The following OXR1 variants were observed in gnomAD, a reference collection of about 807,000 sequenced individuals.
The protein encoded by OXR1 is oxidation resistance 1.
A neutral mutation model predicts 104.6 loss-of-function variants in OXR1; 41 were observed. The observed-to-expected ratio is 0.39, with a 90% CI of 0.31 to 0.51. The LOEUF (loss-of-function observed/expected upper bound fraction) is 0.51, where lower values mean the gene tolerates loss of function less well. Ranked by LOEUF, OXR1 falls within the 20% of genes least tolerant of loss-of-function variation. The pLI is 0.77. For synonymous variants in OXR1, 348 were observed against 348.4 expected, an observed-to-expected ratio of 1.00 and a Z score of 0.01; for missense variants, 955 against 1,031.9, an observed-to-expected ratio of 0.93 and a Z score of 1.02.
chr8:106,493,606 G>A (rs540766301), intron 2 of OXR1, among the ~76,000 whole-genome samples: 8 of 152,112 alleles, frequency 5.3e-5, no homozygotes, highest in African/African-American at 1.4e-4. Context: ...AAAAAAATAC[G>A]TTTTTGCTCT....
At chr8:106,606,369 C>T (rs994604034) in intron 3 of OXR1, among the ~76,000 whole-genome samples, 17 of 151,754 alleles carry the variant, frequency 1.1e-4, no homozygotes, top group African/African-American at 3.9e-4. Flanking sequence ...GGTGTAATCT[C>T]GGATCACTGC....
At chr8:106,690,006 A>G (rs1183059058) in intron 6 of OXR1, among the ~76,000 whole-genome samples, 1 of 151,396 alleles carries the variant, frequency 6.6e-6, no homozygotes, top group Non-Finnish European at 1.5e-5. Flanking sequence ...CTGTGCATAT[A>G]TAGAATATAT....
intron 16 of OXR1, among the ~76,000 whole-genome samples, chr8:106,750,319 CTT>C (rs35342472): frequency 1.5e-5 from 1 of 68,260 alleles, no homozygotes; most frequent in Non-Finnish European, 3.4e-5. Context: ...CTTTTCTTTT[CTT>C]TTCTTTTTTT....
At chr8:106,743,888 G>A (rs1835157797) in intron 15 of OXR1, among the ~76,000 whole-genome samples, 1 of 152,134 alleles carries the variant, frequency 6.6e-6, no homozygotes, top group Non-Finnish European at 1.5e-5. Flanking sequence ...AGAAAATGTG[G>A]TACATATACA....
At chr8:106,510,766 A>G (rs1293268840) in intron 2 of OXR1, among the ~76,000 whole-genome samples, 4 of 152,218 alleles carry the variant, frequency 2.6e-5, no homozygotes, top group Admixed American at 2.0e-4. Context: ...TAATTCTTAC[A>G]TTTTCTGTTC....
intron 2 of OXR1, among the ~76,000 whole-genome samples, chr8:106,397,493 A>AT (rs1021072114): frequency 3.9e-5 from 6 of 152,130 alleles, no homozygotes; most frequent in South Asian, 2.1e-4. Flanking sequence ...CTCTGAAGAG[A>AT]TTTTTTTCTA....
intron 3 of OXR1, among the ~76,000 whole-genome samples, chr8:106,524,458 A>G (rs1014089987): frequency 2.6e-5 from 4 of 152,168 alleles, no homozygotes; most frequent in African/African-American, 9.7e-5. Context: ...CTATTAGTAA[A>G]AGCTCCTGAT....
In OXR1 at chr8:106,276,753, C is replaced by CAAAAAAAA. The variant is rs56303147; in HGVS notation, c.-139+6398_-139+6405dup. 6.7e-3 allele frequency among the ~76,000 whole-genome samples: 518 copies of CAAAAAAAA among 77,714 alleles called. 1 individual carries two copies. Among genetic ancestry groups the CAAAAAAAA allele is most frequent in the African/African-American group, 0.023 (462 of 20,328 alleles). The allele number at this position is 77,714 out of a possible 152,430, so 51.0% of individuals were successfully genotyped here. A position where few individuals can be genotyped will look rare whatever the true frequency, so the allele number is the denominator to read the frequency against. On this transcript the variant is annotated intron_variant, in intron 1 of 16. Transcript: ENST00000517566. ...TTCAGCTGTTAGATTCTGTTAGAGG[C>CAAAAAAAA]AAAAAAAAAAAAAAAAAAAGGTAAC...
At chr8:106,726,188 C>T in intron 11 of OXR1, 1 of 1,492,126 alleles carries the variant, frequency 6.7e-7, no homozygotes, top group Non-Finnish European at 8.9e-7. Flanking sequence ...AGGAAGAATG[C>T]TTTTGAAAAC....
Position 106,706,584 on chromosome 8 carries a change from G to C in OXR1, c.1063G>C (p.Asp355His). ...SPIREELVSS[D>H]ELRQDKSSGA... ...TATACGAGAGGAGCTTGTATCTTCA[G>C]ATGAACTGCGACAAGATAAATCTTC... The change falls in exon 9 of 17, where the codon GAT (aspartate) becomes CAT (histidine). Residue 355 changes from aspartate to histidine, a missense_variant. This residue lies in a region of OXR1 where 849 missense variants were observed against 852.9 expected (regional missense o/e 1.00). Transcript: ENST00000517566. The C allele has an allele frequency of 6.2e-7, 1 of 1,612,616 alleles. No homozygotes were observed. The highest frequency in any genetic ancestry group is 1.3e-5 in the African/African-American group (1 of 74,862).
In OXR1 at chr8:106,752,192, A is replaced by G. The variant is rs1002399287; in HGVS notation, c.*1251A>G. On this transcript the variant is annotated 3_prime_UTR_variant, in exon 17 of 17. Transcript: ENST00000517566. ...TGCTGAAATTTCAGCTATTCCAGAT[A>G]AACATTGTATATCTTGTAAATTAAT... The G allele has an allele frequency of 6.9e-6, 1 of 145,738 alleles. No individual in the cohort carries two copies. The highest frequency in any genetic ancestry group is 2.6e-5 in the African/African-American group (1 of 38,760). 9.0% of individuals were successfully genotyped at this position (145,738 alleles called of 1,614,324 possible). A position where few individuals can be genotyped will look rare whatever the true frequency, so the allele number is the denominator to read the frequency against.
chr8:106,562,640 G>A (rs570320874), intron 3 of OXR1, among the ~76,000 whole-genome samples: 1 of 152,128 alleles, frequency 6.6e-6, no homozygotes, highest in South Asian at 2.1e-4. Context: ...GACACTCTTC[G>A]AGACAGCAAC....
chr8:106,447,658 G>A (rs560895476), intron 2 of OXR1, among the ~76,000 whole-genome samples: 1 of 152,278 alleles, frequency 6.6e-6, no homozygotes, highest in East Asian at 1.9e-4. Context: ...TTAAAAGTCT[G>A]ATAATGGGCA....
chr8:106,648,828 C>T (rs1165453052), intron 3 of OXR1, among the ~76,000 whole-genome samples: 1 of 152,032 alleles, frequency 6.6e-6, no homozygotes, highest in Non-Finnish European at 1.5e-5. Context: ...AACTCGGAAA[C>T]TGTAAAAAGA....
chr8:106,666,309 G>A (rs186663266), intron 3 of OXR1, among the ~76,000 whole-genome samples: 202 of 152,298 alleles, frequency 1.3e-3, no homozygotes, highest in African/African-American at 4.7e-3. Flanking sequence ...ATCTGTGATG[G>A]CCAGTATGGT....
intron 1 of OXR1, among the ~76,000 whole-genome samples, chr8:106,279,669 G>T (rs1459786305): frequency 6.6e-6 from 1 of 152,162 alleles, no homozygotes; most frequent in Non-Finnish European, 1.5e-5. Context: ...TTGTGGAAGG[G>T]AATGGAGTAA....
chr8:106,402,521 C>T (rs1171695571), intron 2 of OXR1, among the ~76,000 whole-genome samples: 1 of 152,204 alleles, frequency 6.6e-6, no homozygotes, highest in Non-Finnish European at 1.5e-5. Context: ...TGTGAGACGT[C>T]TTTGAACTAA....
chr8:106,345,004 C>G (rs1286614142), intron 1 of OXR1, among the ~76,000 whole-genome samples: 1 of 152,200 alleles, frequency 6.6e-6, no homozygotes, highest in Non-Finnish European at 1.5e-5. Flanking sequence ...GCTGTGCTTC[C>G]TTTTGTCCAA....
intron 1 of OXR1, among the ~76,000 whole-genome samples, chr8:106,270,783 A>G (rs1811765663): frequency 6.6e-6 from 1 of 152,116 alleles, no homozygotes; most frequent in East Asian, 1.9e-4. Context: ...TTGGGGGCGC[A>G]GAGTGGAGGG....
Sources: allele counts gnomAD v4.1 joint callset (sites outside exome capture counted in the v4.1 genomes callset), GRCh38; gene constraint gnomAD v4.1.1; regional missense constraint gnomAD v4.1.1; transcripts MANE v1.5; gene names NCBI Gene and HGNC (gene_info 2026-07-23, HGNC 2026-07-21).